Variants in DMD observed in about 807,000 individuals in gnomAD.
DMD encodes dystrophin.
Under a neutral mutation model 330.1 loss-of-function variants are expected in DMD, and 63 were observed. That is an observed-to-expected ratio of 0.19 (90% CI 0.16 to 0.24). The LOEUF (loss-of-function observed/expected upper bound fraction) is 0.24. DMD is among the 10% of genes least tolerant of loss of function. The pLI is 1.00. For synonymous variants in DMD, 1,223 were observed against 959.8 expected (o/e 1.27, Z -5.07); for missense variants, 3,344 against 2,684.1 (o/e 1.25, Z -5.43).
At chrX:31,484,303 T>C (rs2068620755) in intron 57 of DMD, among the ~76,000 whole-genome samples, 1 of 112,079 alleles carries the variant, frequency 8.9e-6, no homozygotes, top group African/African-American at 3.2e-5. Context: ...AGTTCCTTTA[T>C]GTGATGATAG....
At chrX:32,809,750 C>T (rs1164867055) in intron 6 of DMD, 139 bp from the exon 7 acceptor site, 19 of 498,903 alleles carry the variant, frequency 3.8e-5, no homozygotes, top group Non-Finnish European at 5.9e-5. Context: ...AATTCATTTA[C>T]CCTTTAAAAT....
chrX:32,657,396 T>C (rs2060650086), intron 9 of DMD, among the ~76,000 whole-genome samples: 1 of 112,163 alleles, frequency 8.9e-6, no homozygotes, highest in South Asian at 3.6e-4. Flanking sequence ...TTCTCAGAAA[T>C]TTATTAGATG....
At chrX:31,872,375 G>T (rs1246513205) in intron 48 of DMD, among the ~76,000 whole-genome samples, 2 of 111,256 alleles carry the variant, frequency 1.8e-5, no homozygotes, top group African/African-American at 6.5e-5. Context: ...CAAACTGCAG[G>T]GACCCATTTG....
chrX:32,475,313 G>A lies in DMD; in HGVS notation c.2804-3004C>T, dbSNP rs942151890. Among the ~76,000 whole-genome samples the A allele has an allele frequency of 7.2e-5, 8 of 111,006 alleles. 1 individual carries two copies. The highest frequency in any genetic ancestry group is 3.8e-5 in the Non-Finnish European group (2 of 52,897). On this transcript the variant is annotated intron_variant, in intron 21 of 78. Coordinates refer to ENST00000357033, the MANE Select transcript of DMD (RefSeq NM_004006.3). Reference sequence around the variant, plus strand: ...TGATGCCTCCAGATTTGTTCTTTTTGCTTAGTCTTGCTTTGGCTGTGCAGG... The same window carrying A: ...TGATGCCTCCAGATTTGTTCTTTTTACTTAGTCTTGCTTTGGCTGTGCAGG...
chrX:31,611,756 T>C (rs1200603510), intron 55 of DMD, among the ~76,000 whole-genome samples: 1 of 110,722 alleles, frequency 9.0e-6, no homozygotes, highest in African/African-American at 3.3e-5. Flanking sequence ...AGATGGGGCC[T>C]TGCCATGTTG....
At chrX:32,750,402 A>G (rs58241233) in intron 7 of DMD, among the ~76,000 whole-genome samples, 4,818 of 111,978 alleles carry the variant, frequency 0.043, 225 homozygotes, top group African/African-American at 0.15. Flanking sequence ...AAATCCACTT[A>G]TTTTAGAAGT....
intron 55 of DMD, among the ~76,000 whole-genome samples, chrX:31,594,855 A>G (rs1603414311): frequency 1.8e-5 from 2 of 110,332 alleles, no homozygotes; most frequent in Non-Finnish European, 3.8e-5. Flanking sequence ...CTGAAACTAT[A>G]CCCCCTTTCA....
chrX:31,875,257 C>G lies in DMD; in HGVS notation c.7029G>C (p.Trp2343Cys). The stretch of plus-strand genomic sequence containing the variant: ...CCAACTGATTCCTAATAGGAGATAA[C>G]CACAGCAGCAGATGATTTAACTGCT... ...LEEQLNHLLL[W>C]LSPIRNQLEI... The change falls in exon 48 of 79, where the codon TGG becomes TGC. Residue 2343 changes from tryptophan to cysteine, a missense_variant. Physicochemically the swap from Trp to Cys is radical, Grantham distance 215. Transcript: ENST00000357033. 1 of 1,200,656 alleles carries G rather than the reference C, an allele frequency of 8.3e-7. No homozygotes were observed. Among genetic ancestry groups the G allele is most frequent in the Non-Finnish European group, 1.1e-6 (1 of 888,901 alleles).
At chrX:31,477,646 A>C (rs7880638) in intron 59 of DMD, among the ~76,000 whole-genome samples, 21,247 of 110,259 alleles carry the variant, frequency 0.19, 1,914 homozygotes, top group African/African-American at 0.34. Context: ...AGGGAAGGGC[A>C]ACACATTAAC....
intron 17 of DMD, among the ~76,000 whole-genome samples, chrX:32,532,655 C>A (rs371850935): frequency 6.0e-4 from 68 of 112,495 alleles, no homozygotes; most frequent in Non-Finnish European, 1.1e-3. Flanking sequence ...TACATATTAG[C>A]TATTGTTATT....
intron 53 of DMD, among the ~76,000 whole-genome samples, chrX:31,664,155 T>C (rs780370988): frequency 9.0e-6 from 1 of 111,458 alleles, no homozygotes; most frequent in Admixed American, 9.6e-5. Flanking sequence ...ATTTATGCAG[T>C]GTGGCTATCC....
intron 11 of DMD, among the ~76,000 whole-genome samples, chrX:32,623,933 A>C (rs953108595): frequency 8.9e-6 from 1 of 111,860 alleles, no homozygotes; most frequent in Non-Finnish European, 1.9e-5. Flanking sequence ...ACTGTGCACT[A>C]TTTTATTTTT....
At position 31,861,736 on chromosome X, in the gene DMD, T is replaced by TACACACACACACAC. The variant is rs753295784; in HGVS notation, c.7098+13438_7098+13451dup. 5.1e-3 allele frequency among the ~76,000 whole-genome samples: 393 copies of TACACACACACACAC among 76,850 alleles called. 7 individuals are homozygous for TACACACACACACAC. Among genetic ancestry groups the TACACACACACACAC allele is most frequent in the East Asian group, 0.046 (107 of 2,342 alleles). The allele number at this position is 76,850 out of a possible 115,157, so 66.7% of individuals were successfully genotyped here. A position where few individuals can be genotyped will look rare whatever the true frequency, so the allele number is the denominator to read the frequency against. On this transcript the variant is annotated intron_variant, in intron 48 of 78. Coordinates refer to ENST00000357033, the MANE Select transcript of DMD (RefSeq NM_004006.3). The stretch of plus-strand genomic sequence containing the variant: ...TTATAAGGGAGGGAGAAGAGTGCTA[T>TACACACACACACAC]ACACACACACACACACACACACACA...
intron 7 of DMD, among the ~76,000 whole-genome samples, chrX:32,709,353 G>C (rs1215862554): frequency 8.9e-6 from 1 of 112,101 alleles, no homozygotes; most frequent in South Asian, 3.7e-4. Flanking sequence ...CTTTATAAAA[G>C]AGAATGTAAT....
intron 44 of DMD, among the ~76,000 whole-genome samples, chrX:32,088,422 C>A (rs1261050749): frequency 9.2e-6 from 1 of 108,680 alleles, no homozygotes; most frequent in East Asian, 2.9e-4. Flanking sequence ...AGCTCTCAAC[C>A]AGGAACTCTT....
chrX:32,664,006 T>A (rs60039731), intron 9 of DMD, among the ~76,000 whole-genome samples: 21,007 of 110,731 alleles, frequency 0.19, 3,392 homozygotes, highest in African/African-American at 0.54. Flanking sequence ...TTACTGAATG[T>A]CTGGCAAGGC....
chrX:33,214,479 A>T (rs2052016335), upstream of DMD, among the ~76,000 whole-genome samples: 1 of 111,476 alleles, frequency 9.0e-6, no homozygotes, highest in African/African-American at 3.3e-5. Flanking sequence ...TATTTAGGTT[A>T]TCTTTAATTT....
rs181873655 is a variant in DMD at position 31,127,778 on chromosome X, C to T, written c.11015-1105G>A. Among the ~76,000 whole-genome samples, 11 of 111,700 alleles carry T rather than the reference C, an allele frequency of 9.8e-5. No homozygotes were observed. The East Asian group carries it at 2.8e-3, about 29-fold the overall frequency. ...ACCAATAGAAACCTTTCAAAACTCA[C>T]TCAAGGTTAGGGTTCAAAACTTCTA... On this transcript the variant is annotated intron_variant, in intron 77 of 78. Coordinates refer to ENST00000357033, the MANE Select transcript of DMD (RefSeq NM_004006.3).
rs201270203 is a variant in DMD, at chrX:33,267,084, T to G, written c.7+72175A>C. ...TTTCACTGACGGTATGATTCTATACTTAGAAAACCCAAAGACTCCACCAAA... is the reference window on the plus strand; with the variant it reads ...TTTCACTGACGGTATGATTCTATACGTAGAAAACCCAAAGACTCCACCAAA... On this transcript the variant is annotated intron_variant, in intron 1 of 17. Transcript: ENST00000288447. Among the ~76,000 whole-genome samples the G allele has an allele frequency of 1.8e-4, 20 of 111,397 alleles. No homozygotes were observed. The East Asian group carries it at 4.8e-3, about 27-fold the overall frequency.
Sources: allele counts gnomAD v4.1 joint callset (sites outside exome capture counted in the v4.1 genomes callset), GRCh38; gene constraint gnomAD v4.1.1; transcripts MANE v1.5; gene names NCBI Gene and HGNC (gene_info 2026-07-23, HGNC 2026-07-21).